The following RBFOX1 variants were observed in gnomAD, a reference collection of about 807,000 sequenced individuals.
The protein encoded by RBFOX1 is RNA binding protein fox-1 homolog 1.
In RBFOX1, 8 loss-of-function variants were observed where a neutral mutation model predicts 57.7. The observed-to-expected ratio is 0.14, with a 90% CI of 0.08 to 0.25. The LOEUF is 0.25. Among genes scored for constraint, RBFOX1 ranks in the 10% least tolerant of loss-of-function variants. The pLI is 1.00. For missense variants in RBFOX1, 611 were observed against 548.5 expected (o/e 1.11, Z -1.14); for synonymous variants, 326 against 222.4 (o/e 1.47, Z -4.15).
At chr16:5,979,444 G>T (rs149362449) in intron 4 of RBFOX1, among the ~76,000 whole-genome samples, 166 of 152,312 alleles carry the variant, frequency 1.1e-3, no homozygotes, top group African/African-American at 3.9e-3. Flanking sequence ...ATTAGTGACT[G>T]TTGAGGGGCT....
chr16:7,489,092 G>A (rs2066226387), intron 4 of RBFOX1, among the ~76,000 whole-genome samples: 1 of 152,012 alleles, frequency 6.6e-6, no homozygotes, highest in Non-Finnish European at 1.5e-5. Flanking sequence ...GTCTGTGTCT[G>A]GCTTTGTCTT....
intron 2 of RBFOX1, among the ~76,000 whole-genome samples, chr16:6,321,287 T>G (rs890420630): frequency 6.6e-6 from 1 of 152,154 alleles, no homozygotes; most frequent in African/African-American, 2.4e-5. Flanking sequence ...AACCTGATAC[T>G]GTATTGTTGT....
At position 7,132,568 on chromosome 16, in the gene RBFOX1, C is replaced by T. The variant is rs557619511; in HGVS notation, c.27+80470C>T. The stretch of plus-strand genomic sequence containing the variant: ...GCCTTGCATAATGGTGAGAGGCACA[C>T]ATGTTTATGAAGGCAGAAGTAAACT... On this transcript the variant is annotated intron_variant, in intron 4 of 15. Coordinates refer to ENST00000550418, the MANE Select transcript of RBFOX1 (RefSeq NM_018723.4). Among the ~76,000 whole-genome samples, 4 of 149,592 alleles carry T rather than the reference C, an allele frequency of 2.7e-5. No individual in the cohort carries two copies. In the South Asian group the frequency reaches 8.5e-4, roughly 32 times the overall value.
intron 4 of RBFOX1, among the ~76,000 whole-genome samples, chr16:7,364,676 T>A (rs923960709): frequency 3.9e-5 from 6 of 152,092 alleles, no homozygotes; most frequent in African/African-American, 1.2e-4. Flanking sequence ...TCTATCTGAA[T>A]GATCCTCTAG....
intron 1 of RBFOX1, among the ~76,000 whole-genome samples, chr16:6,055,409 A>G (rs2095602288): frequency 6.6e-6 from 1 of 151,798 alleles, no homozygotes; most frequent in African/African-American, 2.4e-5. Flanking sequence ...CCTGGCCAAT[A>G]TGGTGAGACC....
At chr16:5,895,931 A>G (rs2058153622) in intron 4 of RBFOX1, among the ~76,000 whole-genome samples, 1 of 152,230 alleles carries the variant, frequency 6.6e-6, no homozygotes, top group African/African-American at 2.4e-5. Context: ...GAATGGAAGA[A>G]TGAAGTCTGT....
rs546863356 is a variant in RBFOX1, at chr16:6,247,909, C to T, written c.-126-69086C>T. Among the ~76,000 whole-genome samples, 316 of 151,872 alleles carry T rather than the reference C, an allele frequency of 2.1e-3. 15 individuals carry two copies. In the South Asian group the frequency reaches 0.059, roughly 28 times the overall value. On this transcript the variant is annotated intron_variant, in intron 1 of 15. Transcript: ENST00000550418. ...AAGCTCCAGTCACTCTCCAAGATGG[C>T]AGAACATTCCAACACTGGTTAATGG...
At chr16:6,498,576 G>T (rs972621146) in intron 2 of RBFOX1, among the ~76,000 whole-genome samples, 7 of 152,038 alleles carry the variant, frequency 4.6e-5, no homozygotes, top group East Asian at 1.9e-4. Context: ...GTGATGATAG[G>T]CTATAAACTT....
intron 14 of RBFOX1, among the ~76,000 whole-genome samples, chr16:7,684,641 T>C (rs1356200616): frequency 6.6e-6 from 1 of 151,986 alleles, no homozygotes; most frequent in Admixed American, 6.6e-5. Context: ...AAAAACATGA[T>C]TGTTAGATGC....
At position 6,019,534 on chromosome 16, in the gene RBFOX1, C is replaced by A. The variant is rs981602309; in HGVS notation, c.-585C>A. The A allele has an allele frequency of 2.1e-5, 23 of 1,080,828 alleles. No individual in the cohort carries two copies. In the African/African-American group the frequency reaches 3.0e-4, roughly 14 times the overall value. 67.0% of individuals were successfully genotyped at this position (1,080,828 alleles called of 1,614,324 possible). ...CGGTGGGGCGGGGGCGCTCTGCCAGCCCCGGGAACAGCAGAGGCGGCGGCA... is the reference window on the plus strand; with the variant it reads ...CGGTGGGGCGGGGGCGCTCTGCCAGACCCGGGAACAGCAGAGGCGGCGGCA... On this transcript the variant is annotated 5_prime_UTR_variant, in exon 1 of 16. Coordinates refer to ENST00000550418, the MANE Select transcript of RBFOX1 (RefSeq NM_018723.4). The surrounding 1 kb of genome is among the most constrained non-coding windows in gnomAD (Gnocchi z 4.2).
chr16:6,889,360 C>G (rs920598214), intron 3 of RBFOX1, among the ~76,000 whole-genome samples: 8 of 152,202 alleles, frequency 5.3e-5, no homozygotes, highest in Non-Finnish European at 1.5e-5. Flanking sequence ...TCATTTTGCT[C>G]TCTTTTCCCT....
chr16:6,926,463 T>C (rs1043543109), intron 3 of RBFOX1, among the ~76,000 whole-genome samples: 1 of 152,120 alleles, frequency 6.6e-6, no homozygotes, highest in Admixed American at 6.5e-5. Flanking sequence ...CAGATGTAGA[T>C]AGTAGGTTCA....
intron 1 of RBFOX1, among the ~76,000 whole-genome samples, chr16:6,085,500 AC>A (rs2096070726): frequency 6.6e-6 from 1 of 152,032 alleles, no homozygotes; most frequent in African/African-American, 2.4e-5. Flanking sequence ...CGAACTCCCG[AC>A]TTCAGGTGAT....
chr16:7,178,651 G>T (rs957235484), intron 4 of RBFOX1, among the ~76,000 whole-genome samples: 2 of 152,108 alleles, frequency 1.3e-5, no homozygotes, highest in East Asian at 1.9e-4. Flanking sequence ...TAGACCTGGG[G>T]TCAGGCACCT....
At chr16:6,842,840 G>A (rs2093557877) in intron 3 of RBFOX1, among the ~76,000 whole-genome samples, 1 of 151,814 alleles carries the variant, frequency 6.6e-6, no homozygotes. Flanking sequence ...CCCCCTGACA[G>A]GCCCCGGTGT....
chr16:5,861,427 T>C (rs1262875150), intron 3 of RBFOX1, among the ~76,000 whole-genome samples: 1 of 152,214 alleles, frequency 6.6e-6, no homozygotes, highest in Non-Finnish European at 1.5e-5. Context: ...TGATGGTGGC[T>C]TTGGAAGTCA....
intron 2 of RBFOX1, among the ~76,000 whole-genome samples, chr16:6,473,520 A>G (rs79127944): frequency 0.019 from 2,836 of 152,116 alleles, 80 homozygotes; most frequent in African/African-American, 0.062. Flanking sequence ...AACATAAGCT[A>G]CATGAGGGCT....
At chr16:6,071,740 T>C (rs769425541) in intron 1 of RBFOX1, among the ~76,000 whole-genome samples, 1 of 152,216 alleles carries the variant, frequency 6.6e-6, no homozygotes, top group African/African-American at 2.4e-5. Context: ...CAACCACCGA[T>C]TGTCCCCTCC....
At chr16:6,730,525 A>G (rs570762931) in intron 3 of RBFOX1, among the ~76,000 whole-genome samples, 1 of 152,120 alleles carries the variant, frequency 6.6e-6, no homozygotes, top group African/African-American at 2.4e-5. Context: ...TGTCTACCTA[A>G]TCTGTCTATC....
Sources: allele counts gnomAD v4.1 joint callset (sites outside exome capture counted in the v4.1 genomes callset), GRCh38; gene constraint gnomAD v4.1.1; non-coding constraint Gnocchi (gnomAD v3.1); transcripts MANE v1.5; gene names NCBI Gene and HGNC (gene_info 2026-07-23, HGNC 2026-07-21).